The following SPATA16 variants were observed in gnomAD, a reference collection of about 807,000 sequenced individuals.
SPATA16 encodes spermatogenesis-associated protein 16.
Under a neutral mutation model 63.3 loss-of-function variants are expected in SPATA16, and 36 were observed. The ratio of observed to expected loss-of-function variants is 0.57; its 90% CI spans 0.44 to 0.75. SPATA16 has a LOEUF of 0.75. Among genes scored for constraint, SPATA16 ranks in the 30% least tolerant of loss-of-function variants. SPATA16 has a pLI of 0.00. For missense variants in SPATA16, 646 were observed against 679.3 expected (o/e 0.95, Z 0.54); for synonymous variants, 203 against 216.7 (o/e 0.94, Z 0.56).
intron 4 of SPATA16, among the ~76,000 whole-genome samples, chr3:173,001,274 T>TTTTTTG (rs1482722370): frequency 3.3e-5 from 5 of 151,724 alleles, no homozygotes; most frequent in South Asian, 2.1e-4. Context: ...AGTTGTTTTT[T>TTTTTTG]TTTTTTTGTT....
At chr3:173,086,900 T>A (rs7637816) in intron 2 of SPATA16, among the ~76,000 whole-genome samples, 4,478 of 151,952 alleles carry the variant, frequency 0.029, 203 homozygotes, top group African/African-American at 0.1. Context: ...TCTAAGAGAC[T>A]TATGATTTCA....
In SPATA16 at chr3:173,117,769, G is replaced by A; in HGVS notation, c.-18-20C>T. ...AAACTCCTGCAGGGGGGAGAAAAAG[G>A]AAAGTAATTAAGGCAATATTTTGAA... On this transcript the variant is annotated intron_variant, in intron 1 of 10. Coordinates refer to ENST00000351008, the MANE Select transcript of SPATA16 (RefSeq NM_031955.6). 6.2e-7 allele frequency: 1 copy of A among 1,613,814 alleles called. No homozygotes were observed. The highest frequency in any genetic ancestry group is 1.3e-5 in the African/African-American group (1 of 75,040).
intron 1 of SPATA16, among the ~76,000 whole-genome samples, chr3:173,125,817 A>C (rs907780114): frequency 1.3e-5 from 2 of 152,206 alleles, no homozygotes; most frequent in Non-Finnish European, 2.9e-5. Flanking sequence ...TACTTAGTTC[A>C]CTGCTATATA....
At chr3:173,124,481 C>T (rs1354274549) in intron 1 of SPATA16, among the ~76,000 whole-genome samples, 1 of 152,188 alleles carries the variant, frequency 6.6e-6, no homozygotes, top group Admixed American at 6.5e-5. Flanking sequence ...TTGTTTGGAT[C>T]CTATCCCTCC....
intron 2 of SPATA16, among the ~76,000 whole-genome samples, chr3:173,103,385 C>T (rs2108327050): frequency 6.6e-6 from 1 of 152,364 alleles, no homozygotes; most frequent in South Asian, 2.1e-4. Context: ...GTCCCTGCAG[C>T]AGACTTCTGC....
At chr3:172,901,105 T>C (rs1732117892) in intron 10 of SPATA16, among the ~76,000 whole-genome samples, 1 of 152,244 alleles carries the variant, frequency 6.6e-6, no homozygotes, top group Non-Finnish European at 1.5e-5. Flanking sequence ...TCTTTGTTGA[T>C]ACTTTCTGTT....
intron 3 of SPATA16, among the ~76,000 whole-genome samples, chr3:173,019,856 G>A (rs1735280503): frequency 6.6e-6 from 1 of 151,924 alleles, no homozygotes; most frequent in African/African-American, 2.4e-5. Flanking sequence ...TTCAACTTAT[G>A]TTACATATAA....
chr3:173,084,149 G>A (rs573248861), intron 2 of SPATA16, among the ~76,000 whole-genome samples: 2 of 152,148 alleles, frequency 1.3e-5, no homozygotes, highest in Non-Finnish European at 2.9e-5. Flanking sequence ...AACAGTGTAA[G>A]TGTTCCTATT....
intron 5 of SPATA16, among the ~76,000 whole-genome samples, chr3:172,974,492 G>T (rs539518766): frequency 1.3e-5 from 2 of 152,004 alleles, no homozygotes; most frequent in East Asian, 1.9e-4. Flanking sequence ...CTCTGGCAGG[G>T]TTTAAAACCC....
intron 4 of SPATA16, among the ~76,000 whole-genome samples, chr3:173,008,869 T>C (rs2108270114): frequency 6.6e-6 from 1 of 152,296 alleles, no homozygotes; most frequent in Admixed American, 6.5e-5. Flanking sequence ...AAAAAATTGC[T>C]AAACTTTTTA....
At chr3:172,968,993 C>A (rs1733981318) in intron 5 of SPATA16, among the ~76,000 whole-genome samples, 1 of 152,202 alleles carries the variant, frequency 6.6e-6, no homozygotes, top group Admixed American at 6.5e-5. Context: ...TTGGATACTT[C>A]CTCTTTAGTC....
intron 2 of SPATA16, among the ~76,000 whole-genome samples, chr3:173,060,912 G>A (rs1161362788): frequency 6.6e-6 from 1 of 152,110 alleles, no homozygotes; most frequent in East Asian, 1.9e-4. Context: ...TTTTCACTAT[G>A]TAGCATCTAT....
At chr3:173,017,682 A>G (rs1735224738) in intron 4 of SPATA16, among the ~76,000 whole-genome samples, 1 of 152,324 alleles carries the variant, frequency 6.6e-6, no homozygotes, top group South Asian at 2.1e-4. Flanking sequence ...CTGTATAAGC[A>G]CACCACTAGC....
chr3:173,060,160 G>A (rs1469708848), intron 2 of SPATA16, among the ~76,000 whole-genome samples: 2 of 152,078 alleles, frequency 1.3e-5, no homozygotes, highest in African/African-American at 4.8e-5. Flanking sequence ...GGGAGGCTGA[G>A]GCAGGAGAAT....
At chr3:173,007,479 G>A (rs1310710159) in intron 4 of SPATA16, among the ~76,000 whole-genome samples, 6 of 152,106 alleles carry the variant, frequency 3.9e-5, no homozygotes. Flanking sequence ...GTAGTGGTAG[G>A]CAACTGACAC....
intron 4 of SPATA16, among the ~76,000 whole-genome samples, chr3:173,014,489 C>T (rs1412630058): frequency 6.6e-6 from 1 of 152,190 alleles, no homozygotes; most frequent in Non-Finnish European, 1.5e-5. Flanking sequence ...GGGTACTATG[C>T]TCACTACCTG....
intron 4 of SPATA16, among the ~76,000 whole-genome samples, chr3:172,978,134 T>G (rs890862323): frequency 6.7e-6 from 1 of 149,048 alleles, no homozygotes; most frequent in Admixed American, 6.7e-5. Flanking sequence ...TCTCTCTCTC[T>G]CTCCCTCTCT....
At chr3:173,039,344 C>T (rs965235596) in intron 3 of SPATA16, among the ~76,000 whole-genome samples, 3 of 152,058 alleles carry the variant, frequency 2.0e-5, no homozygotes, top group African/African-American at 7.2e-5. Context: ...ACCTGTGCAG[C>T]CTTCTTGCCA....
chr3:172,913,248 A>G (rs1157173632), intron 10 of SPATA16, among the ~76,000 whole-genome samples: 1 of 152,226 alleles, frequency 6.6e-6, no homozygotes, highest in African/African-American at 2.4e-5. Context: ...TACTAAAAAC[A>G]TCAATGTGCT....
Sources: gnomAD v4.1 joint callset for allele counts (sites outside exome capture counted in the v4.1 genomes callset) on GRCh38, gnomAD v4.1.1 for gene constraint, MANE v1.5 for transcripts, NCBI Gene and HGNC (gene_info 2026-07-23, HGNC 2026-07-21) for gene names.